JAKMIP1: variants seen among roughly 807,000 people sequenced by gnomAD.
The protein encoded by JAKMIP1 is janus kinase and microtubule interacting protein 1.
A neutral mutation model predicts 113.0 loss-of-function variants in JAKMIP1; 33 were observed. The ratio of observed to expected loss-of-function variants is 0.29; its 90% CI spans 0.22 to 0.39. The LOEUF (loss-of-function observed/expected upper bound fraction) is 0.39, where lower values mean the gene tolerates loss of function less well. JAKMIP1 is among the 10% of genes least tolerant of loss of function. The pLI is 1.00. For missense variants in JAKMIP1, 813 were observed against 1,080.5 expected, an observed-to-expected ratio of 0.75 and a Z score of 3.47; for synonymous variants, 480 against 459.9, an observed-to-expected ratio of 1.04 and a Z score of -0.56.
At chr4:6,109,004 C>T (rs1046997525) in intron 2 of JAKMIP1, among the ~76,000 whole-genome samples, 7 of 152,178 alleles carry the variant, frequency 4.6e-5, no homozygotes, top group African/African-American at 9.7e-5. Flanking sequence ...GTGATGGGCA[C>T]GCCTGGTGCC....
rs1203757948 is a variant in JAKMIP1 at position 6,192,579 on chromosome 4, T to C, written c.-148+7674A>G. 2.0e-5 allele frequency among the ~76,000 whole-genome samples: 3 copies of C among 152,162 alleles called. No individual in the cohort carries two copies. Among genetic ancestry groups the C allele is most frequent in the Admixed American group, 6.5e-5 (1 of 15,284 alleles). ...AAGAAGGAAGTGAAGCTCAGAAAGA[T>C]GAAGGAACGAGCACTCGATCACAGA... On this transcript the variant is annotated intron_variant, in intron 1 of 20. Coordinates refer to ENST00000409021, the MANE Select transcript of JAKMIP1 (RefSeq NM_001099433.2). This position sits in a 1 kb window ranked among gnomAD's most constrained non-coding sequence, Gnocchi z 5.0.
rs1476050916 is a variant in JAKMIP1 at position 6,179,547 on chromosome 4, T to A, written c.-148+20706A>T. Among the ~76,000 whole-genome samples, 3 of 152,150 alleles carry A rather than the reference T, an allele frequency of 2.0e-5. No individual in the cohort carries two copies. Among genetic ancestry groups the A allele is most frequent in the African/African-American group, 7.2e-5 (3 of 41,438 alleles). ...CAAACCCACAGGAAACCAAGCCCAT[T>A]GCCCTGACACAAACCTACCTCCTCT... is the stretch of plus-strand genomic sequence containing the variant. On this transcript the variant is annotated intron_variant, in intron 1 of 20. Coordinates refer to ENST00000409021, the MANE Select transcript of JAKMIP1 (RefSeq NM_001099433.2). This position sits in a 1 kb window ranked among gnomAD's most constrained non-coding sequence, Gnocchi z 4.5.
At chr4:6,038,461 C>T (rs896729506) in intron 18 of JAKMIP1, among the ~76,000 whole-genome samples, 14 of 148,594 alleles carry the variant, frequency 9.4e-5, no homozygotes, top group African/African-American at 3.6e-4. Flanking sequence ...TAACCGGTAT[C>T]CCTCCATCAC....
chr4:6,042,133 C>A lies in JAKMIP1; in HGVS notation c.2097+26G>T, dbSNP rs777314238. 1.8e-5 allele frequency: 29 copies of A among 1,598,030 alleles called. No homozygotes were observed. The highest frequency in any genetic ancestry group is 1.7e-4 in the Middle Eastern group (1 of 6,034). ...TCTGAGCTCTTTGAACCCTCTCCCC[C>A]ACCCCCAGGCAGTCAAATCTTTTAC... On this transcript the variant is annotated intron_variant, in intron 17 of 20. Coordinates refer to ENST00000409021, the MANE Select transcript of JAKMIP1 (RefSeq NM_001099433.2). The surrounding 1 kb of genome is among the most constrained non-coding windows in gnomAD (Gnocchi z 5.2).
chr4:6,174,715 A>C (rs1725135840), intron 1 of JAKMIP1, among the ~76,000 whole-genome samples: 1 of 152,110 alleles, frequency 6.6e-6, no homozygotes, highest in South Asian at 2.1e-4. Flanking sequence ...CTCTCCTGAA[A>C]GGACTCCTGG....
In JAKMIP1 at chr4:6,050,221, G is replaced by A. The variant is rs564437911; in HGVS notation, c.1909-349C>T. Reference sequence around the variant, plus strand: ...AGAACCTTGCTGCATGCCAGGCAGAGGGCCAGGCACTTGGAGTCTGTTCAT... The same window carrying A: ...AGAACCTTGCTGCATGCCAGGCAGAAGGCCAGGCACTTGGAGTCTGTTCAT... On this transcript the variant is annotated intron_variant, in intron 14 of 20. Coordinates refer to ENST00000409021, the MANE Select transcript of JAKMIP1 (RefSeq NM_001099433.2). The surrounding 1 kb of genome is among the most constrained non-coding windows in gnomAD (Gnocchi z 7.4). Among the ~76,000 whole-genome samples, 1 of 152,316 alleles carries A rather than the reference G, an allele frequency of 6.6e-6. No homozygotes were observed. Among genetic ancestry groups the A allele is most frequent in the African/African-American group, 2.4e-5 (1 of 41,576 alleles).
chr4:6,164,887 C>T (rs1019665905), intron 1 of JAKMIP1, among the ~76,000 whole-genome samples: 2 of 152,324 alleles, frequency 1.3e-5, no homozygotes, highest in Admixed American at 6.5e-5. Context: ...TTACGGAGTA[C>T]ATGAAGTGCT....
At chr4:6,170,277 TCAC>T (rs1338634626) in intron 1 of JAKMIP1, among the ~76,000 whole-genome samples, 10 of 93,054 alleles carry the variant, frequency 1.1e-4, no homozygotes, top group Admixed American at 9.5e-4. Flanking sequence ...ACCACCACCA[TCAC>T]CACCACCATC....
In JAKMIP1 at chr4:6,168,801, G is replaced by A. The variant is rs1344876427; in HGVS notation, c.-148+31452C>T. ...TGTGGTCCCAGCTACTTGGGAGGCT[G>A]ATGTGGGAGAATCACTTGAGCCTGG... On this transcript the variant is annotated intron_variant, in intron 1 of 20. Coordinates refer to ENST00000409021, the MANE Select transcript of JAKMIP1 (RefSeq NM_001099433.2). This position sits in a 1 kb window ranked among gnomAD's most constrained non-coding sequence, Gnocchi z 4.6. 6.6e-6 allele frequency among the ~76,000 whole-genome samples: 1 copy of A among 152,104 alleles called. No individual in the cohort carries two copies. Among genetic ancestry groups the A allele is most frequent in the East Asian group, 1.9e-4 (1 of 5,186 alleles).
rs997145049 is a variant in JAKMIP1, at chr4:6,088,145, A to G, written c.625-2516T>C. On this transcript the variant is annotated intron_variant, in intron 3 of 20. Transcript: ENST00000409021. The surrounding 1 kb of genome is among the most constrained non-coding windows in gnomAD (Gnocchi z 5.5). ...GCGCTATCAGTGGGTGCTGAGAAAC[A>G]TTAGAGAGCAAAAGAGACCAGCCGC... 4.6e-5 allele frequency among the ~76,000 whole-genome samples: 7 copies of G among 152,230 alleles called. No individual in the cohort carries two copies. The highest frequency in any genetic ancestry group is 3.3e-4 in the Admixed American group (5 of 15,292).
Position 6,094,949 on chromosome 4 carries a change from A to G in JAKMIP1, c.625-9320T>C, listed in dbSNP as rs1279600072. Among the ~76,000 whole-genome samples the G allele has an allele frequency of 2.0e-5, 3 of 151,860 alleles. No individual in the cohort carries two copies. The highest frequency in any genetic ancestry group is 4.4e-5 in the Non-Finnish European group (3 of 67,986). On this transcript the variant is annotated intron_variant, in intron 3 of 20. Transcript: ENST00000409021. This position sits in a 1 kb window ranked among gnomAD's most constrained non-coding sequence, Gnocchi z 4.2. Reference sequence around the variant, plus strand: ...CAGTGAGCTGTGATTGCACCACTGCACTCCAGCCTGGGCGACAGAGCAAGA... The same window carrying G: ...CAGTGAGCTGTGATTGCACCACTGCGCTCCAGCCTGGGCGACAGAGCAAGA...
Position 6,162,116 on chromosome 4 carries a change from C to T in JAKMIP1, c.-148+38137G>A, listed in dbSNP as rs962519419. Among the ~76,000 whole-genome samples the T allele has an allele frequency of 6.7e-6, 1 of 149,334 alleles. No homozygotes were observed. The highest frequency in any genetic ancestry group is 2.6e-5 in the African/African-American group (1 of 38,772). ...TGTCTGGGACGGGGTAGATTATGGG[C>T]CAGACGGGGGGCCAAGAGGTCAGCA... On this transcript the variant is annotated intron_variant, in intron 1 of 20. Transcript: ENST00000409021. The surrounding 1 kb of genome is among the most constrained non-coding windows in gnomAD (Gnocchi z 5.6).
At chr4:6,098,574 GAAAGAAAGAAGGAAAGGAAGAAA>G (rs1299506203) in intron 3 of JAKMIP1, among the ~76,000 whole-genome samples, 12 of 126,952 alleles carry the variant, frequency 9.5e-5, no homozygotes, top group Middle Eastern at 4.0e-3. Flanking sequence ...AAGAAAGAAA[GAAAGAAAGAAGGAAAGGAAGAAA>G]GAAAGGAAGA....
chr4:6,027,988 G>A (rs569358821), intron 20 of JAKMIP1, among the ~76,000 whole-genome samples: 37 of 152,272 alleles, frequency 2.4e-4, no homozygotes, highest in Admixed American at 7.8e-4. Flanking sequence ...CCTGGGCTGC[G>A]AACTTTCATA....
At chr4:6,057,975 A>G (rs897265634) in intron 11 of JAKMIP1, among the ~76,000 whole-genome samples, 2 of 152,252 alleles carry the variant, frequency 1.3e-5, no homozygotes, top group African/African-American at 4.8e-5. Flanking sequence ...ACTGTGTGCA[A>G]ATAGAACCCC....
Position 6,080,206 on chromosome 4 carries a change from A to G in JAKMIP1, c.1208T>C (p.Leu403Pro). ...QEIEFLRLQVLEQQHVIDDLS... is the reference protein window; with the variant it reads ...QEIEFLRLQVPEQQHVIDDLS... ...GTCGTCAATGACGTGCTGCTGCTCC[A>G]GCACCTGCAGCCTCAGGAACTCGAT... Residue 403 changes from leucine to proline, a missense_variant, in exon 7 of 21, where the codon CTG (leucine) becomes CCG (proline). Physicochemically the swap from Leu to Pro is moderately conservative, Grantham distance 98 (BLOSUM62 -3). Coordinates refer to ENST00000409021, the MANE Select transcript of JAKMIP1 (RefSeq NM_001099433.2). This position sits in a 1 kb window ranked among gnomAD's most constrained non-coding sequence, Gnocchi z 6.0. 1 of 1,613,726 alleles carries G rather than the reference A, an allele frequency of 6.2e-7. No homozygotes were observed. Among genetic ancestry groups the G allele is most frequent in the Non-Finnish European group, 8.5e-7 (1 of 1,179,848 alleles).
rs908156515 is a variant in JAKMIP1, at chr4:6,158,384, T to G, written c.-148+41869A>C. ...TAGGAATCTCAGTGATGGCCACAGG[T>G]GAACGTGGCTCCAGGAAGGCTTCCA... On this transcript the variant is annotated intron_variant, in intron 1 of 20. Coordinates refer to ENST00000409021, the MANE Select transcript of JAKMIP1 (RefSeq NM_001099433.2). The surrounding 1 kb of genome is among the most constrained non-coding windows in gnomAD (Gnocchi z 5.3). Among the ~76,000 whole-genome samples the G allele has an allele frequency of 7.2e-5, 11 of 152,138 alleles. No individual in the cohort carries two copies. The highest frequency in any genetic ancestry group is 2.7e-4 in the African/African-American group (11 of 41,436).
rs1472803294 is a variant in JAKMIP1 at position 6,106,186 on chromosome 4, T to G, written c.130-219A>C. ...CCTGCTAGTTCCCTGAGACTTTCCC[T>G]GGGGGTGGAAACCCCCTGAGGATGC... On this transcript the variant is annotated intron_variant, in intron 2 of 20. Transcript: ENST00000409021. This position sits in a 1 kb window ranked among gnomAD's most constrained non-coding sequence, Gnocchi z 5.9. 6.6e-6 allele frequency among the ~76,000 whole-genome samples: 1 copy of G among 152,184 alleles called. No individual in the cohort carries two copies. The highest frequency in any genetic ancestry group is 1.5e-5 in the Non-Finnish European group (1 of 68,030).
chr4:6,124,502 C>T (rs1717141365), intron 1 of JAKMIP1, among the ~76,000 whole-genome samples: 1 of 152,346 alleles, frequency 6.6e-6, no homozygotes, highest in East Asian at 1.9e-4. Context: ...ACTGCCACCA[C>T]CCCAGCCAGC....
Sources: allele counts gnomAD v4.1 joint callset (sites outside exome capture counted in the v4.1 genomes callset), GRCh38; gene constraint gnomAD v4.1.1; non-coding constraint Gnocchi (gnomAD v3.1); transcripts MANE v1.5; gene names NCBI Gene and HGNC (gene_info 2026-07-23, HGNC 2026-07-21).